CNTNAP2: variants seen among roughly 807,000 people sequenced by gnomAD.
CNTNAP2 encodes the protein contactin-associated protein-like 2.
In CNTNAP2, 98 loss-of-function variants were observed where a neutral mutation model predicts 155.2. That is an observed-to-expected ratio of 0.63 (90% CI 0.54 to 0.75). The LOEUF (loss-of-function observed/expected upper bound fraction) is 0.75. Among genes scored for constraint, CNTNAP2 ranks in the 30% least tolerant of loss-of-function variants. The probability of loss-of-function intolerance (pLI) is 0.00; values close to 1 mark genes in which losing one functional copy is unlikely to be tolerated. For missense variants in CNTNAP2, 1,727 were observed against 1,688.1 expected (o/e 1.02, Z -0.40); for synonymous variants, 651 against 631.2 (o/e 1.03, Z -0.47).
chr7:146,647,915 C>G (rs1799842694), intron 1 of CNTNAP2, among the ~76,000 whole-genome samples: 1 of 152,134 alleles, frequency 6.6e-6, no homozygotes, highest in African/African-American at 2.4e-5. Flanking sequence ...ATTAGCAGTT[C>G]CATGAATTTA....
At chr7:147,885,573 C>T (rs191590616) in intron 13 of CNTNAP2, among the ~76,000 whole-genome samples, 9 of 152,224 alleles carry the variant, frequency 5.9e-5, no homozygotes, top group Non-Finnish European at 1.2e-4. Flanking sequence ...CACCCTTTGG[C>T]TGGTCTGTCT....
At chr7:148,177,097 T>C (rs1252325911) in intron 18 of CNTNAP2, among the ~76,000 whole-genome samples, 2 of 152,200 alleles carry the variant, frequency 1.3e-5, no homozygotes, top group Admixed American at 1.3e-4. Context: ...AACATACCTA[T>C]AGTAGAGGCA....
intron 13 of CNTNAP2, among the ~76,000 whole-genome samples, chr7:147,650,977 A>G (rs1795441887): frequency 6.6e-6 from 1 of 152,264 alleles, no homozygotes; most frequent in African/African-American, 2.4e-5. Context: ...TGTATTTTGC[A>G]TTAGGTAATT....
intron 1 of CNTNAP2, among the ~76,000 whole-genome samples, chr7:146,246,382 G>A (rs188202563): frequency 0.028 from 4,286 of 150,588 alleles, 209 homozygotes; most frequent in African/African-American, 0.099. Flanking sequence ...GGCAGGTGGG[G>A]ATAACTAAAA....
chr7:147,724,390 G>A (rs1330967346), intron 13 of CNTNAP2, among the ~76,000 whole-genome samples: 2 of 152,018 alleles, frequency 1.3e-5, no homozygotes, highest in Non-Finnish European at 2.9e-5. Flanking sequence ...TGAGGTAGAT[G>A]GTGCAAACAG....
intron 21 of CNTNAP2, among the ~76,000 whole-genome samples, chr7:148,366,392 A>G (rs1274120030): frequency 1.3e-5 from 2 of 151,962 alleles, no homozygotes; most frequent in African/African-American, 2.4e-5. Flanking sequence ...TGAAGGTAGA[A>G]ACTCTTTTTC....
intron 3 of CNTNAP2, among the ~76,000 whole-genome samples, chr7:146,865,338 A>C (rs1295952619): frequency 6.6e-6 from 1 of 152,098 alleles, no homozygotes; most frequent in Non-Finnish European, 1.5e-5. Flanking sequence ...CTTGTACTGC[A>C]AAAGGCCTAA....
At chr7:147,242,149 CA>C (rs1219576456) in intron 8 of CNTNAP2, among the ~76,000 whole-genome samples, 1 of 152,162 alleles carries the variant, frequency 6.6e-6, no homozygotes, top group Non-Finnish European at 1.5e-5. Flanking sequence ...ATTGTTTCTT[CA>C]GTGTCCTGAT....
intron 4 of CNTNAP2, chr7:147,097,530 G>A (rs1276112976): frequency 3.3e-5 from 5 of 152,186 alleles, no homozygotes; most frequent in Admixed American, 1.3e-4. Context: ...CAAGAGAAAC[G>A]GGTTTCCCTT....
chr7:146,505,142 C>T (rs1797364100), intron 1 of CNTNAP2, among the ~76,000 whole-genome samples: 1 of 152,172 alleles, frequency 6.6e-6, no homozygotes, highest in South Asian at 2.1e-4. Flanking sequence ...AGCCATGGAA[C>T]TCCTAGTGTC....
chr7:147,986,078 T>C (rs1466939671), intron 15 of CNTNAP2, among the ~76,000 whole-genome samples: 1 of 152,190 alleles, frequency 6.6e-6, no homozygotes, highest in Non-Finnish European at 1.5e-5. Context: ...CTCACTTTGC[T>C]TCCCTACTAT....
chr7:146,807,089 T>C (rs533969709), intron 2 of CNTNAP2, among the ~76,000 whole-genome samples: 15 of 152,344 alleles, frequency 9.8e-5, no homozygotes, highest in Non-Finnish European at 1.9e-4. Context: ...TGTGAGCTAA[T>C]ATTTTATAGC....
intron 18 of CNTNAP2, among the ~76,000 whole-genome samples, chr7:148,195,822 A>T (rs1795267145): frequency 6.6e-6 from 1 of 152,142 alleles, no homozygotes; most frequent in Non-Finnish European, 1.5e-5. Context: ...TTGGTGTCCC[A>T]AGCAACCCCC....
intron 3 of CNTNAP2, among the ~76,000 whole-genome samples, chr7:147,041,022 T>C (rs2129254133): frequency 6.6e-6 from 1 of 152,272 alleles, no homozygotes; most frequent in East Asian, 1.9e-4. Context: ...ACCACATTGG[T>C]GTTGACCTTC....
At chr7:148,085,724 C>CTT (rs1803714311) in intron 15 of CNTNAP2, among the ~76,000 whole-genome samples, 2 of 151,690 alleles carry the variant, frequency 1.3e-5, no homozygotes, top group Non-Finnish European at 2.9e-5. Context: ...TCCTTCCTTC[C>CTT]CTCCTTCCTT....
At chr7:146,833,950 T>A (rs1259433204) in intron 2 of CNTNAP2, among the ~76,000 whole-genome samples, 1 of 152,202 alleles carries the variant, frequency 6.6e-6, no homozygotes, top group Non-Finnish European at 1.5e-5. Context: ...TACAGTGTAT[T>A]TGAAGCAGAA....
intron 21 of CNTNAP2, chr7:148,339,465 G>C (rs1460952655): frequency 6.6e-6 from 1 of 152,188 alleles, no homozygotes; most frequent in Non-Finnish European, 1.5e-5. Flanking sequence ...CCTTTCAGTG[G>C]TGCGGGGTTT....
chr7:148,006,329 T>TC (rs1801979490), intron 15 of CNTNAP2, among the ~76,000 whole-genome samples: 1 of 149,408 alleles, frequency 6.7e-6, no homozygotes, highest in Non-Finnish European at 1.5e-5. Flanking sequence ...TTTTTTTTTT[T>TC]TTTTTTTTGA....
At chr7:147,589,949 G>A (rs1800706444) in intron 12 of CNTNAP2, among the ~76,000 whole-genome samples, 1 of 152,144 alleles carries the variant, frequency 6.6e-6, no homozygotes. Flanking sequence ...GGCTTTTACT[G>A]TAGAGGGCCA....
Sources: gnomAD v4.1 joint callset for allele counts (sites outside exome capture counted in the v4.1 genomes callset) on GRCh38, gnomAD v4.1.1 for gene constraint, MANE v1.5 for transcripts, NCBI Gene and HGNC (gene_info 2026-07-23, HGNC 2026-07-21) for gene names.